The following CPT1C variants were observed in gnomAD, a reference collection of about 807,000 sequenced individuals.
CPT1C encodes the protein carnitine palmitoyltransferase 1C.
Under a neutral mutation model 97.3 loss-of-function variants are expected in CPT1C, and 61 were observed. The ratio of observed to expected loss-of-function variants is 0.63; its 90% CI spans 0.51 to 0.78. CPT1C has a LOEUF of 0.78. Ranked by LOEUF, CPT1C falls within the 30% of genes least tolerant of loss-of-function variation. The pLI is 0.00. For synonymous variants in CPT1C, 469 were observed against 447.2 expected (o/e 1.05, Z -0.61); for missense variants, 975 against 1,065.5 (o/e 0.92, Z 1.18).
chr19:49,713,723 T>A lies in CPT1C; in HGVS notation c.*118T>A. The A allele has an allele frequency of 2.1e-6, 2 of 931,756 alleles. No homozygotes were observed. Among genetic ancestry groups the A allele is most frequent in the Non-Finnish European group, 3.2e-6 (2 of 615,634 alleles). 57.7% of individuals were successfully genotyped at this position (931,756 alleles called of 1,614,324 possible). On this transcript the variant is annotated 3_prime_UTR_variant, in exon 20 of 20. Transcript: ENST00000598293. ...CCACATCCAGGCCAATAAAGATGTG[T>A]GAGCTGGGTGTGTGGTGTCTGCTAT...
At chr19:49,711,714 T>C (rs1049878814) in intron 16 of CPT1C, 95 bp from the exon 17 acceptor site, 1 of 1,278,990 alleles carries the variant, frequency 7.8e-7, no homozygotes, top group African/African-American at 1.5e-5. Context: ...CTTGCAGGGA[T>C]GTGGCAAACT....
At chr19:49,692,201 G>A in intron 2 of CPT1C, 38 bp from the exon 3 acceptor site, 4 of 1,602,766 alleles carry the variant, frequency 2.5e-6, no homozygotes, top group Non-Finnish European at 3.4e-6. Context: ...TGAGGGCGGA[G>A]GGGCTGGGGT....
In CPT1C at chr19:49,713,720, G is replaced by A. The variant is rs2123549182; in HGVS notation, c.*115G>A. The A allele has an allele frequency of 2.1e-6, 2 of 964,792 alleles. No individual in the cohort carries two copies. Among genetic ancestry groups the A allele is most frequent in the South Asian group, 1.6e-5 (1 of 62,596 alleles). The allele number at this position is 964,792 out of a possible 1,614,324, so 59.8% of individuals were successfully genotyped here. ...ACCCCACATCCAGGCCAATAAAGATGTGTGAGCTGGGTGTGTGGTGTCTGC... is the reference window on the plus strand; with the variant it reads ...ACCCCACATCCAGGCCAATAAAGATATGTGAGCTGGGTGTGTGGTGTCTGC... On this transcript the variant is annotated 3_prime_UTR_variant, in exon 20 of 20. Transcript: ENST00000598293.
chr19:49,700,609 G>A, intron 4 of CPT1C, 75 bp from the exon 5 acceptor site: 1 of 1,511,658 alleles, frequency 6.6e-7, no homozygotes, highest in Non-Finnish European at 9.0e-7. Context: ...CAGCGCAGGG[G>A]CTGGAGGGGG....
upstream of CPT1C, chr19:49,690,755 G>C: frequency 2.6e-6 from 1 of 388,806 alleles, no homozygotes; most frequent in East Asian, 4.2e-5. The surrounding 1 kb of genome is among the most constrained non-coding windows in gnomAD (Gnocchi z 4.4). Context: ...TGGTTTTGGC[G>C]GGCCGTCCTG....
chr19:49,693,109 A>G (rs1278494408), intron 3 of CPT1C, among the ~76,000 whole-genome samples: 2 of 152,142 alleles, frequency 1.3e-5, no homozygotes, highest in African/African-American at 2.4e-5. Flanking sequence ...GCTAATCTCG[A>G]TCTCCTGACC....
At chr19:49,707,691 G>A (rs2083584637) in intron 13 of CPT1C, 68 bp downstream of exon 13, 1 of 1,042,046 alleles carries the variant, frequency 9.6e-7, no homozygotes, top group Non-Finnish European at 1.4e-6. Context: ...CCTCTCCAGC[G>A]CCTTAGTGTC....
intron 10 of CPT1C, 44 bp from the exon 11 acceptor site, chr19:49,705,865 G>A (rs767405865): frequency 1.3e-6 from 2 of 1,552,326 alleles, no homozygotes; most frequent in Non-Finnish European, 1.8e-6. Flanking sequence ...ATTTTTATGT[G>A]TCTGGCCTTC....
chr19:49,702,049 ATTATAAATATATATTTAT>A (rs2083160550), intron 7 of CPT1C, among the ~76,000 whole-genome samples: 1 of 77,262 alleles, frequency 1.3e-5, no homozygotes, highest in Non-Finnish European at 2.0e-5. Context: ...TTATTTATAA[ATTATAAATATATATTTAT>A]TTATAAATTA....
intron 3 of CPT1C, among the ~76,000 whole-genome samples, 180 bp from the exon 4 acceptor site, chr19:49,697,146 T>A (rs1407007574): frequency 6.6e-6 from 1 of 152,194 alleles, no homozygotes; most frequent in Non-Finnish European, 1.5e-5. Context: ...CAATTAATAC[T>A]TACTTCATTC....
chr19:49,712,896 G>C (rs1300108034), intron 18 of CPT1C, 47 bp downstream of exon 18: 1 of 1,597,734 alleles, frequency 6.3e-7, no homozygotes, highest in Non-Finnish European at 8.6e-7. Context: ...GAGGGGGCTG[G>C]GGGGCCTGCA....
rs763747698 is a variant in CPT1C at position 49,692,402 on chromosome 19, C to A, written c.141+9C>A. On this transcript the variant is annotated intron_variant, in intron 3 of 19. Coordinates refer to ENST00000598293, the MANE Select transcript of CPT1C (RefSeq NM_001199753.2). ...ATCTCTCACGTTTCTGGGTGAGGAG[C>A]GGTGCTGGTCGGTTTCCTTCCGGGG... The A allele has an allele frequency of 6.2e-7, 1 of 1,613,676 alleles. No individual in the cohort carries two copies. Among genetic ancestry groups the A allele is most frequent in the East Asian group, 2.2e-5 (1 of 44,878 alleles).
intron 3 of CPT1C, among the ~76,000 whole-genome samples, chr19:49,697,105 C>T (rs1310652996): frequency 2.0e-5 from 3 of 152,286 alleles, no homozygotes; most frequent in South Asian, 2.1e-4. Flanking sequence ...AACTTGGCAG[C>T]ACAGGGCTCC....
At chr19:49,708,646 C>T (rs2123457354) in intron 13 of CPT1C, 77 bp from the exon 14 acceptor site, 7 of 1,028,656 alleles carry the variant, frequency 6.8e-6, no homozygotes, top group South Asian at 6.4e-5. Context: ...AAAAGGGCTG[C>T]ATGAAAAGAG....
intron 17 of CPT1C, chr19:49,712,386 T>G: frequency 3.0e-6 from 1 of 331,592 alleles, no homozygotes; most frequent in Non-Finnish European, 5.5e-6. Flanking sequence ...AAAGGATGCG[T>G]CAGCAGAGAA....
At chr19:49,700,906 A>T (rs768605593) in intron 5 of CPT1C, 51 bp downstream of exon 5, 1 of 1,528,134 alleles carries the variant, frequency 6.5e-7, no homozygotes, top group South Asian at 1.1e-5. Flanking sequence ...CCGCTTATCT[A>T]TTCCCCTCTC....
At chr19:49,707,689 G>A (rs1243208167) in intron 13 of CPT1C, 66 bp downstream of exon 13, 12 of 1,047,910 alleles carry the variant, frequency 1.1e-5, no homozygotes, top group Non-Finnish European at 1.7e-5. Flanking sequence ...GTCCTCTCCA[G>A]CGCCTTAGTG....
intron 3 of CPT1C, among the ~76,000 whole-genome samples, chr19:49,695,202 A>G (rs1200309598): frequency 2.6e-5 from 4 of 151,522 alleles, no homozygotes; most frequent in African/African-American, 7.2e-5. Flanking sequence ...ACATAGATAC[A>G]TACATATTTA....
At chr19:49,709,657 C>T (rs754054777) in intron 14 of CPT1C, among the ~76,000 whole-genome samples, 3 of 151,096 alleles carry the variant, frequency 2.0e-5, no homozygotes, top group African/African-American at 7.3e-5. Context: ...CAGGTTCAAG[C>T]GATTCTCTTG....
Sources: allele counts gnomAD v4.1 joint callset (sites outside exome capture counted in the v4.1 genomes callset), GRCh38; gene constraint gnomAD v4.1.1; non-coding constraint Gnocchi (gnomAD v3.1); transcripts MANE v1.5; gene names NCBI Gene and HGNC (gene_info 2026-07-23, HGNC 2026-07-21).